The following CTNNA2 variants were observed in gnomAD, a reference collection of about 807,000 sequenced individuals.
CTNNA2 encodes catenin alpha-2.
A neutral mutation model predicts 101.0 loss-of-function variants in CTNNA2; 42 were observed. That is an observed-to-expected ratio of 0.42 (90% confidence interval 0.32 to 0.54). The LOEUF (loss-of-function observed/expected upper bound fraction) is 0.54, where lower values mean the gene tolerates loss of function less well. Ranked by LOEUF, CTNNA2 falls within the 20% of genes least tolerant of loss-of-function variation. CTNNA2 has a pLI of 0.14. For synonymous variants in CTNNA2, 450 were observed against 456.4 expected, an observed-to-expected ratio of 0.99 and a Z score of 0.18; for missense variants, 871 against 1,223.1, an observed-to-expected ratio of 0.71 and a Z score of 4.29.
At chr2:80,300,796 C>A (rs1676213782) in intron 7 of CTNNA2, among the ~76,000 whole-genome samples, 1 of 152,118 alleles carries the variant, frequency 6.6e-6, no homozygotes, top group African/African-American at 2.4e-5. Flanking sequence ...AGCCCTCCGT[C>A]CAATGCACAC....
At chr2:80,173,243 G>T (rs1366371674) in intron 7 of CTNNA2, among the ~76,000 whole-genome samples, 1 of 152,168 alleles carries the variant, frequency 6.6e-6, no homozygotes, top group Non-Finnish European at 1.5e-5. Flanking sequence ...ACAGCCATGT[G>T]CCAGGCTCAT....
At chr2:79,197,798 G>A (rs1001724378) in intron 1 of CTNNA2, among the ~76,000 whole-genome samples, 4 of 152,140 alleles carry the variant, frequency 2.6e-5, no homozygotes, top group Admixed American at 6.5e-5. Flanking sequence ...TTGTTGAGAC[G>A]GAGTCTCGCT....
At chr2:80,413,761 C>A (rs915496859) in intron 8 of CTNNA2, among the ~76,000 whole-genome samples, 4 of 152,096 alleles carry the variant, frequency 2.6e-5, no homozygotes, top group Admixed American at 6.6e-5. Flanking sequence ...GGAAATATGG[C>A]AGAACATGTC....
intron 4 of CTNNA2, among the ~76,000 whole-genome samples, chr2:79,466,154 G>A (rs1670931991): frequency 6.6e-6 from 1 of 152,210 alleles, no homozygotes; most frequent in Non-Finnish European, 1.5e-5. Context: ...AGCTGTGACA[G>A]ACAGCACCTG....
intron 7 of CTNNA2, among the ~76,000 whole-genome samples, chr2:79,913,181 T>C (rs965983943): frequency 2.0e-5 from 3 of 152,090 alleles, no homozygotes; most frequent in Non-Finnish European, 4.4e-5. Context: ...GTCTAAAACA[T>C]GGGAGTTAGA....
At chr2:80,395,334 C>T (rs566187692) in intron 8 of CTNNA2, among the ~76,000 whole-genome samples, 1 of 152,158 alleles carries the variant, frequency 6.6e-6, no homozygotes, top group Non-Finnish European at 1.5e-5. Flanking sequence ...GTATTAAGAT[C>T]CAACAGTTAT....
chr2:79,680,957 G>T (rs1351259346), intron 2 of CTNNA2, among the ~76,000 whole-genome samples: 1 of 152,130 alleles, frequency 6.6e-6, no homozygotes, highest in African/African-American at 2.4e-5. Flanking sequence ...GAGACTGAAG[G>T]AACCATAGAA....
chr2:79,229,996 A>T (rs1484959366), intron 2 of CTNNA2, among the ~76,000 whole-genome samples: 1 of 152,204 alleles, frequency 6.6e-6, no homozygotes, highest in Non-Finnish European at 1.5e-5. Flanking sequence ...CTCAGGATGT[A>T]ATTTGGGTGC....
At chr2:79,763,171 T>G (rs1483088990) in intron 3 of CTNNA2, among the ~76,000 whole-genome samples, 4 of 152,066 alleles carry the variant, frequency 2.6e-5, no homozygotes, top group Non-Finnish European at 2.9e-5. Context: ...GCTAATATTT[T>G]TATCTTTTTT....
chr2:79,826,178 G>T (rs528603491), intron 3 of CTNNA2, among the ~76,000 whole-genome samples: 1 of 151,590 alleles, frequency 6.6e-6, no homozygotes, highest in East Asian at 1.9e-4. Flanking sequence ...AAAATAAAAA[G>T]AAAAAAAACA....
At chr2:80,247,470 C>G (rs1573503952) in intron 7 of CTNNA2, among the ~76,000 whole-genome samples, 1 of 152,154 alleles carries the variant, frequency 6.6e-6, no homozygotes, top group African/African-American at 2.4e-5. Flanking sequence ...ACCTGACTAA[C>G]TTGGAACTGA....
chr2:79,284,871 C>T (rs1442262399), intron 2 of CTNNA2, among the ~76,000 whole-genome samples: 5 of 139,756 alleles, frequency 3.6e-5, no homozygotes, highest in East Asian at 2.1e-4. Flanking sequence ...TAGAATTCGG[C>T]TGTGAATCCA....
At position 80,612,641 on chromosome 2, in the gene CTNNA2, C is replaced by A. The variant is rs536690198; in HGVS notation, c.2430+4323C>A. ...CATTGTATTTGAAGAGCGTTGTGTT[C>A]CTTTTATTTTTAAAAAGTGCCAGTA... On this transcript the variant is annotated intron_variant, in intron 17 of 18. Transcript: ENST00000402739. Among the ~76,000 whole-genome samples the A allele has an allele frequency of 1.0e-4, 15 of 150,706 alleles. No individual in the cohort carries two copies. In the South Asian group the frequency reaches 1.3e-3, roughly 13 times the overall value.
intron 8 of CTNNA2, among the ~76,000 whole-genome samples, chr2:80,413,732 A>G (rs988765405): frequency 2.6e-5 from 4 of 152,190 alleles, no homozygotes; most frequent in Admixed American, 6.5e-5. Context: ...TTTAATAACA[A>G]TGATACCACA....
chr2:79,507,433 A>C (rs13413680), intron 5 of CTNNA2, among the ~76,000 whole-genome samples: 6 of 152,046 alleles, frequency 3.9e-5, no homozygotes, highest in African/African-American at 1.4e-4. Context: ...TAAAAGGAGA[A>C]TTCAGCCCCC....
chr2:79,557,690 A>G (rs1477190892), intron 1 of CTNNA2, among the ~76,000 whole-genome samples: 1 of 151,924 alleles, frequency 6.6e-6, no homozygotes, highest in Non-Finnish European at 1.5e-5. Context: ...ATGGTGGCAT[A>G]ATCCATATGA....
chr2:79,426,078 CT>C, intron 4 of CTNNA2, among the ~76,000 whole-genome samples: 1 of 152,168 alleles, frequency 6.6e-6, no homozygotes, highest in Non-Finnish European at 1.5e-5. Flanking sequence ...CATGTTAAGG[CT>C]TTCAGTGTAA....
At chr2:80,172,747 C>G (rs986827816) in intron 7 of CTNNA2, among the ~76,000 whole-genome samples, 1 of 152,174 alleles carries the variant, frequency 6.6e-6, no homozygotes, top group African/African-American at 2.4e-5. Flanking sequence ...CTTCTAGTTT[C>G]TGGTGGTTAA....
At chr2:79,793,887 T>C (rs1164535410) in intron 3 of CTNNA2, among the ~76,000 whole-genome samples, 20 of 87,334 alleles carry the variant, frequency 2.3e-4, no homozygotes, top group South Asian at 3.9e-4. Flanking sequence ...CACACACTCA[T>C]GCACACACAC....
Sources: allele counts gnomAD v4.1 joint callset (sites outside exome capture counted in the v4.1 genomes callset), GRCh38; gene constraint gnomAD v4.1.1; transcripts MANE v1.5; gene names NCBI Gene and HGNC (gene_info 2026-07-23, HGNC 2026-07-21).